The following ST3GAL3 variants were observed in gnomAD, a reference collection of about 807,000 sequenced individuals.
ST3GAL3 encodes ST3 beta-galactoside alpha-2,3-sialyltransferase 3, also known as CMP-N-acetylneuraminate-beta-1,4-galactoside alpha-2,3-sialyltransferase.
ST3GAL3 carries 21 observed loss-of-function variants against 50.1 expected under a neutral mutation model. That is an observed-to-expected ratio of 0.42 (90% confidence interval 0.30 to 0.60). ST3GAL3 has a LOEUF of 0.60. Among genes scored for constraint, ST3GAL3 ranks in the 20% least tolerant of loss-of-function variants. ST3GAL3 has a pLI of 0.19. For missense variants in ST3GAL3, 353 were observed against 489.4 expected, an observed-to-expected ratio of 0.72 and a Z score of 2.63; for synonymous variants, 183 against 190.0, an observed-to-expected ratio of 0.96 and a Z score of 0.30.
intron 1 of ST3GAL3, chr1:43,727,405 A>G (rs553117064): frequency 2.0e-5 from 3 of 152,288 alleles, no homozygotes; most frequent in Admixed American, 1.3e-4. Flanking sequence ...GATATTAATC[A>G]AGTAATAACA....
chr1:43,708,753 G>A (rs1662911326), intron 1 of ST3GAL3, among the ~76,000 whole-genome samples: 1 of 152,158 alleles, frequency 6.6e-6, no homozygotes, highest in South Asian at 2.1e-4. Flanking sequence ...TCCATTTCGC[G>A]TGTCTAACTG....
intron 2 of ST3GAL3, among the ~76,000 whole-genome samples, chr1:43,778,236 A>G (rs377719683): frequency 6.6e-5 from 10 of 152,298 alleles, no homozygotes; most frequent in East Asian, 1.9e-4. Context: ...ATGAGAACAC[A>G]TGGACACATG....
chr1:43,815,046 G>A, intron 4 of ST3GAL3, 113 bp downstream of exon 4: 1 of 1,081,518 alleles, frequency 9.2e-7, no homozygotes, highest in Non-Finnish European at 1.4e-6. Context: ...GGACTCCCTG[G>A]GGCCTCTGTC....
intron 9 of ST3GAL3, among the ~76,000 whole-genome samples, chr1:43,906,000 TC>T (rs781053430): frequency 1.7e-5 from 1 of 57,764 alleles, no homozygotes; most frequent in African/African-American, 7.2e-5. Context: ...CCGCCACTCT[TC>T]CCCCTCCTCC....
chr1:43,720,096 G>T (rs1669662745), intron 1 of ST3GAL3, among the ~76,000 whole-genome samples: 1 of 151,984 alleles, frequency 6.6e-6, no homozygotes, highest in Non-Finnish European at 1.5e-5. Context: ...TAGAATAATT[G>T]GCTAGGCATG....
At chr1:43,789,604 C>T (rs3791053) in intron 2 of ST3GAL3, among the ~76,000 whole-genome samples, 55,470 of 152,010 alleles carry the variant, frequency 0.36, 10,736 homozygotes, top group East Asian at 0.54. Flanking sequence ...GGCATGATGG[C>T]TCGTGCCTGT....
At chr1:43,858,634 C>T (rs2069109962) in intron 5 of ST3GAL3, among the ~76,000 whole-genome samples, 1 of 152,216 alleles carries the variant, frequency 6.6e-6, no homozygotes, top group African/African-American at 2.4e-5. Context: ...AGCAAGCAGC[C>T]CTGTGAGTTC....
At chr1:43,708,410 G>A (rs7528454) in intron 1 of ST3GAL3, among the ~76,000 whole-genome samples, 64,446 of 151,984 alleles carry the variant, frequency 0.42, 13,910 homozygotes, top group East Asian at 0.5. Flanking sequence ...CAGTGAAGGC[G>A]GCTATTACCT....
intron 4 of ST3GAL3, chr1:43,824,714 A>T (rs372786033): frequency 1.9e-6 from 3 of 1,613,934 alleles, no homozygotes; most frequent in Non-Finnish European, 1.7e-6. Flanking sequence ...TGAAAAAGCC[A>T]AATTCCCACT....
intron 1 of ST3GAL3, among the ~76,000 whole-genome samples, chr1:43,711,349 A>T (rs145987626): frequency 6.6e-6 from 1 of 152,270 alleles, no homozygotes; most frequent in Non-Finnish European, 1.5e-5. Flanking sequence ...TGGCTTTTCA[A>T]GTTTCTGTCC....
intron 5 of ST3GAL3, among the ~76,000 whole-genome samples, chr1:43,889,203 TAC>T (rs59739550): frequency 0.15 from 22,723 of 148,042 alleles, 1,791 homozygotes; most frequent in South Asian, 0.23. Flanking sequence ...GGAACAGGAA[TAC>T]ACACACACAC....
chr1:43,713,645 C>T lies in ST3GAL3; in HGVS notation c.-31+5952C>T, dbSNP rs116189738. ...TCCCAGGCTCAGGTGGTCCTCCCAC[C>T]TCAGCCTCCCAGATAGCTGGTACCA... is the stretch of plus-strand genomic sequence containing the variant. On this transcript the variant is annotated intron_variant, in intron 1 of 11. Coordinates refer to ENST00000347631, the MANE Select transcript of ST3GAL3 (RefSeq NM_006279.5). Among the ~76,000 whole-genome samples the T allele has an allele frequency of 1.0e-2, 1,516 of 151,698 alleles. 30 individuals carry two copies. The highest frequency in any genetic ancestry group is 0.036 in the African/African-American group (1,470 of 41,316).
At chr1:43,914,205 T>G (rs1415385736) in intron 9 of ST3GAL3, 1 of 152,208 alleles carries the variant, frequency 6.6e-6, no homozygotes, top group Non-Finnish European at 1.5e-5. Context: ...CCAAGAGGGA[T>G]TGTTTCAGAG....
In ST3GAL3 at chr1:43,905,671, ACTGTTTCTC is replaced by A. The variant is rs1420717358; in HGVS notation, c.744+5946_744+5954del. Among the ~76,000 whole-genome samples, 70 of 17,526 alleles carry A rather than the reference ACTGTTTCTC, an allele frequency of 4.0e-3. 3 individuals carry two copies. Among genetic ancestry groups the A allele is most frequent in the Admixed American group, 5.9e-3 (9 of 1,518 alleles). 11.5% of individuals were successfully genotyped at this position (17,526 alleles called of 152,430 possible). A position where few individuals can be genotyped will look rare whatever the true frequency, so the allele number is the denominator to read the frequency against. ...CCCTCCTCCTGCTTCTCTTCCCGCCACTGTTTCTCCCCCTCCTTCTGCCCCCCTTCCCAC... is the reference window on the plus strand; with the variant it reads ...CCCTCCTCCTGCTTCTCTTCCCGCCACCCCTCCTTCTGCCCCCCTTCCCAC... On this transcript the variant is annotated intron_variant, in intron 9 of 11. Coordinates refer to ENST00000347631, the MANE Select transcript of ST3GAL3 (RefSeq NM_006279.5).
chr1:43,882,033 G>C (rs186019906), intron 5 of ST3GAL3, among the ~76,000 whole-genome samples: 3 of 152,208 alleles, frequency 2.0e-5, no homozygotes, highest in Non-Finnish European at 2.9e-5. Context: ...TGCAAGCCGG[G>C]GGGTGCTACA....
chr1:43,920,333 G>C, intron 9 of ST3GAL3, 71 bp from the exon 10 acceptor site: 1 of 1,604,324 alleles, frequency 6.2e-7, no homozygotes, highest in Non-Finnish European at 8.5e-7. Context: ...CCTACTTGGG[G>C]TCCCTGCCAC....
chr1:43,780,005 G>A (rs896368183), intron 2 of ST3GAL3, among the ~76,000 whole-genome samples: 9 of 152,128 alleles, frequency 5.9e-5, no homozygotes, highest in East Asian at 1.9e-4. Context: ...GCACATCTGT[G>A]GTCTTGAAGT....
intron 5 of ST3GAL3, among the ~76,000 whole-genome samples, chr1:43,875,941 C>A (rs199756115): frequency 0.045 from 2,063 of 45,662 alleles, 41 homozygotes; most frequent in African/African-American, 0.11. Context: ...TCTTCTTCTT[C>A]TTCTTCTTCT....
chr1:43,786,388 G>A (rs1008658026), intron 2 of ST3GAL3, among the ~76,000 whole-genome samples: 6 of 152,048 alleles, frequency 3.9e-5, no homozygotes, highest in African/African-American at 4.8e-5. Context: ...TGCTCTGTGC[G>A]CCAGCAACAC....
Sources: allele counts gnomAD v4.1 joint callset (sites outside exome capture counted in the v4.1 genomes callset), GRCh38; gene constraint gnomAD v4.1.1; transcripts MANE v1.5; gene names NCBI Gene and HGNC (gene_info 2026-07-23, HGNC 2026-07-21).